Variants in LARGE1 observed in about 807,000 individuals in gnomAD.
LARGE1 encodes xylosyl- and glucuronyltransferase LARGE1.
LARGE1 carries 43 observed loss-of-function variants against 87.6 expected under a neutral mutation model. That is an observed-to-expected ratio of 0.49 (90% CI 0.38 to 0.63). The LOEUF is 0.63. Among genes scored for constraint, LARGE1 ranks in the 30% least tolerant of loss-of-function variants. LARGE1 has a pLI of 0.00. For missense variants in LARGE1, 802 were observed against 1,000.2 expected (o/e 0.80, Z 2.67); for synonymous variants, 434 against 394.6 (o/e 1.10, Z -1.18).
intron 9 of LARGE1, among the ~76,000 whole-genome samples, chr22:33,339,382 A>G (rs1298118716): frequency 6.6e-6 from 1 of 151,944 alleles, no homozygotes; most frequent in Non-Finnish European, 1.5e-5. Flanking sequence ...CAAGGGGCGG[A>G]AAAATGTTGG....
chr22:33,559,645 G>A (rs752811493), intron 6 of LARGE1, among the ~76,000 whole-genome samples: 10 of 152,170 alleles, frequency 6.6e-5, no homozygotes, highest in Admixed American at 2.0e-4. Flanking sequence ...TTTCAACATA[G>A]GAACTTTGCG....
intron 1 of LARGE1, among the ~76,000 whole-genome samples, chr22:33,907,779 A>T (rs1410441356): frequency 6.6e-6 from 1 of 151,940 alleles, no homozygotes; most frequent in Non-Finnish European, 1.5e-5. Flanking sequence ...TTGTATTTTT[A>T]GTAGAGACCG....
chr22:33,623,597 C>G (rs1213792730), intron 4 of LARGE1, among the ~76,000 whole-genome samples: 1 of 149,888 alleles, frequency 6.7e-6, no homozygotes, highest in Non-Finnish European at 1.5e-5. Flanking sequence ...AGTGGCCCAG[C>G]AGAAGAACCG....
intron 11 of LARGE1, among the ~76,000 whole-genome samples, chr22:33,170,206 T>C (rs1922489876): frequency 6.6e-6 from 1 of 151,714 alleles, no homozygotes. Context: ...CCATCTCTAC[T>C]CAAAATACAA....
intron 2 of LARGE1, among the ~76,000 whole-genome samples, chr22:33,658,055 G>C (rs537638351): frequency 2.7e-5 from 4 of 150,282 alleles, no homozygotes; most frequent in African/African-American, 4.8e-5. Context: ...GGCTCTTTCC[G>C]CACCGAACCG....
At chr22:33,538,909 T>G (rs1346906908) in intron 6 of LARGE1, among the ~76,000 whole-genome samples, 1 of 152,208 alleles carries the variant, frequency 6.6e-6, no homozygotes, top group Non-Finnish European at 1.5e-5. Flanking sequence ...CAGTCCAGTG[T>G]TTTTGAAACT....
At chr22:33,662,144 G>T (rs1005893816) in intron 2 of LARGE1, among the ~76,000 whole-genome samples, 1 of 150,010 alleles carries the variant, frequency 6.7e-6, no homozygotes, top group African/African-American at 2.4e-5. Flanking sequence ...AATTTGTGTT[G>T]GGCCACATTC....
chr22:33,342,431 C>T (rs1223785169), intron 9 of LARGE1, among the ~76,000 whole-genome samples: 3 of 152,222 alleles, frequency 2.0e-5, no homozygotes, highest in Admixed American at 2.0e-4. Flanking sequence ...TTGAATCCCA[C>T]TGTCCACTTT....
intron 11 of LARGE1, among the ~76,000 whole-genome samples, chr22:33,183,739 A>G (rs935226661): frequency 6.6e-6 from 1 of 152,090 alleles, no homozygotes; most frequent in East Asian, 1.9e-4. Context: ...AACCAGACAC[A>G]GAAAGGTGAG....
At chr22:33,862,566 G>A (rs969709164) in intron 1 of LARGE1, among the ~76,000 whole-genome samples, 4 of 152,102 alleles carry the variant, frequency 2.6e-5, no homozygotes, top group Non-Finnish European at 4.4e-5. Flanking sequence ...CACTGTGACC[G>A]CCAGGGCCGA....
At chr22:33,523,396 C>T (rs1276438504) in intron 6 of LARGE1, among the ~76,000 whole-genome samples, 3 of 152,178 alleles carry the variant, frequency 2.0e-5, no homozygotes, top group Non-Finnish European at 4.4e-5. Flanking sequence ...AACCAACAAC[C>T]TGCATTTCCT....
intron 2 of LARGE1, among the ~76,000 whole-genome samples, chr22:33,750,169 A>T (rs375271516): frequency 2.0e-5 from 3 of 152,224 alleles, no homozygotes; most frequent in Admixed American, 1.3e-4. Context: ...ATTCTGTTCT[A>T]TGTAAACGAC....
intron 6 of LARGE1, among the ~76,000 whole-genome samples, chr22:33,517,064 C>G (rs996603948): frequency 6.6e-6 from 1 of 152,112 alleles, no homozygotes; most frequent in Non-Finnish European, 1.5e-5. Flanking sequence ...GTGAATAATT[C>G]AGAAGAGCTG....
chr22:33,909,742 G>A (rs1261016774), intron 1 of LARGE1, among the ~76,000 whole-genome samples: 4 of 151,930 alleles, frequency 2.6e-5, no homozygotes, highest in African/African-American at 7.3e-5. Context: ...GTTTCACCGC[G>A]TTAGTCAAGA....
chr22:33,509,675 C>T (rs1300289295), intron 6 of LARGE1, among the ~76,000 whole-genome samples: 1 of 152,068 alleles, frequency 6.6e-6, no homozygotes, highest in African/African-American at 2.4e-5. Flanking sequence ...TGGTCTCAAA[C>T]TCCTGGCCTC....
At chr22:33,247,044 AGTATGTGTGTGT>A (rs1336702379) in intron 11 of LARGE1, among the ~76,000 whole-genome samples, 1 of 82,804 alleles carries the variant, frequency 1.2e-5, no homozygotes, top group African/African-American at 4.5e-5. Flanking sequence ...AACTGCAGCC[AGTATGTGTGTGT>A]GTGTGTGTGT....
intron 11 of LARGE1, among the ~76,000 whole-genome samples, chr22:33,241,062 T>A (rs574855225): frequency 2.6e-5 from 4 of 152,344 alleles, no homozygotes; most frequent in South Asian, 4.1e-4. Flanking sequence ...GGCACTCCCA[T>A]TTCCGGCTTC....
At chr22:33,124,395 A>AGGAAGGAAGGAAAGAAGG in the LARGE1 span, among the ~76,000 whole-genome samples, 22 of 148,124 alleles carry the variant, frequency 1.5e-4, no homozygotes, top group Admixed American at 2.7e-4. Flanking sequence ...GGAGGAAGGA[A>AGGAAGGAAGGAAAGAAGG]AATGATGGCT....
At chr22:33,312,660 G>A (rs1334016280) in intron 11 of LARGE1, among the ~76,000 whole-genome samples, 2 of 152,138 alleles carry the variant, frequency 1.3e-5, no homozygotes, top group Middle Eastern at 3.2e-3. Flanking sequence ...CAGGAGGCCT[G>A]AATGCAACAG....
Sources: allele counts gnomAD v4.1 joint callset (sites outside exome capture counted in the v4.1 genomes callset), GRCh38; gene constraint gnomAD v4.1.1; transcripts MANE v1.5; gene names NCBI Gene and HGNC (gene_info 2026-07-23, HGNC 2026-07-21).